Variants in TRIM4 observed in about 807,000 individuals in gnomAD.
The protein encoded by TRIM4 is tripartite motif containing 4.
A neutral mutation model predicts 33.7 loss-of-function variants in TRIM4; 29 were observed. That is an observed-to-expected ratio of 0.86 (90% CI 0.64 to 1.17). The LOEUF is 1.17. Ranked by LOEUF, TRIM4 falls within the 50% of genes most tolerant of loss-of-function variation. TRIM4 has a pLI of 0.00. For synonymous variants in TRIM4, 224 were observed against 233.0 expected (o/e 0.96, Z 0.35); for missense variants, 554 against 593.7 (o/e 0.93, Z 0.69).
At chr7:99,894,430 C>A (rs28360802) in intron 5 of TRIM4, among the ~76,000 whole-genome samples, 1 of 152,018 alleles carries the variant, frequency 6.6e-6, no homozygotes, top group Admixed American at 6.6e-5. Context: ...CTTTGGGAGG[C>A]CAAGGCAGTG....
intron 3 of TRIM4, 187 bp downstream of exon 3, chr7:99,908,395 A>G: frequency 1.8e-6 from 1 of 570,002 alleles, no homozygotes; most frequent in Non-Finnish European, 3.1e-6. Flanking sequence ...AGCTCAGCAT[A>G]CCTACATTTC....
intron 1 of TRIM4, among the ~76,000 whole-genome samples, chr7:99,918,485 A>G (rs1179861044): frequency 6.6e-6 from 1 of 151,970 alleles, no homozygotes; most frequent in Non-Finnish European, 1.5e-5. Flanking sequence ...GAACTGCTTG[A>G]ACCCCGGAGG....
At chr7:99,895,337 TTTA>T (rs1563083044) in intron 5 of TRIM4, among the ~76,000 whole-genome samples, 1 of 152,220 alleles carries the variant, frequency 6.6e-6, no homozygotes, top group Non-Finnish European at 1.5e-5. Flanking sequence ...AAGTCTATTA[TTTA>T]GATTCTTGAT....
chr7:99,898,001 C>G (rs937179861), intron 5 of TRIM4, among the ~76,000 whole-genome samples: 1 of 152,256 alleles, frequency 6.6e-6, no homozygotes. Context: ...CAGAACACAA[C>G]AGACTATTGG....
In TRIM4 at chr7:99,919,104, C is replaced by CCTCGCAGAAGAGCCGCAGCGG; in HGVS notation, c.277_297dup (p.Pro93_Glu99dup). ...ACCAGGCACACTGGCCGCTGGTCGT[C>CCTCGCAGAAGAGCCGCAGCGG]CTCGCAGAAGAGCCGCAGCGGCTCC... On this transcript the variant is annotated inframe_insertion, in exon 1 of 6. Transcript: ENST00000349062. 6.5e-7 allele frequency: 1 copy of CCTCGCAGAAGAGCCGCAGCGG among 1,532,172 alleles called. No individual in the cohort carries two copies. Among genetic ancestry groups the CCTCGCAGAAGAGCCGCAGCGG allele is most frequent in the Non-Finnish European group, 8.8e-7 (1 of 1,139,740 alleles). The allele number at this position is 1,532,172 out of a possible 1,614,324, so 94.9% of individuals were successfully genotyped here.
intron 1 of TRIM4, 60 bp from the exon 2 acceptor site, chr7:99,909,720 T>C: frequency 7.4e-7 from 1 of 1,348,436 alleles, no homozygotes; most frequent in South Asian, 1.3e-5. Flanking sequence ...CATCTTCTTT[T>C]TTCTTTTTGT....
intron 3 of TRIM4, among the ~76,000 whole-genome samples, chr7:99,907,995 G>A (rs1175245830): frequency 2.0e-4 from 31 of 152,102 alleles, no homozygotes; most frequent in Admixed American, 2.0e-3. Flanking sequence ...TACCTACAGA[G>A]GATATAAAGG....
Position 99,919,396 on chromosome 7 carries a change from T to G in TRIM4, c.6A>C (p.Glu2Asp). The G allele has an allele frequency of 6.4e-7, 1 of 1,552,050 alleles. No homozygotes were observed. Among genetic ancestry groups the G allele is most frequent in the Non-Finnish European group, 8.7e-7 (1 of 1,151,744 alleles). The change falls in exon 1 of 6, where the codon GAA becomes GAC. Residue 2 changes from glutamate (E) to aspartate (D), a missense_variant. Physicochemically the swap from Glu to Asp is conservative, Grantham distance 45. Coordinates refer to ENST00000349062, the MANE Select transcript of TRIM4 (RefSeq NM_033091.3). The part of the protein sequence containing the change: M[E>D]AEDIQEELTC... ...TCAACTCCTCCTGGATGTCCTCAGC[T>G]TCCATGCTGCTTCCCTGCCGCGGAG...
intron 3 of TRIM4, among the ~76,000 whole-genome samples, chr7:99,907,351 C>T (rs1317820565): frequency 6.6e-6 from 1 of 152,208 alleles, no homozygotes; most frequent in Non-Finnish European, 1.5e-5. Context: ...CTCAGGTGAT[C>T]CACCCACCTC....
rs552699902 is a variant in TRIM4, at chr7:99,903,377, G to A, written c.744-62C>T. ...TAGGGTAGCCAAGACCTCCACTCCC[G>A]GTCAAAGGTTCTTAGCCCAAAGTTC... On this transcript the variant is annotated intron_variant, in intron 4 of 5. Coordinates refer to ENST00000349062, the MANE Select transcript of TRIM4 (RefSeq NM_033091.3). The A allele has an allele frequency of 1.4e-4, 200 of 1,410,692 alleles. 1 individual carries two copies. The highest frequency in any genetic ancestry group is 1.9e-4 in the Non-Finnish European group (189 of 1,010,776). The allele number at this position is 1,410,692 out of a possible 1,614,324, so 87.4% of individuals were successfully genotyped here.
chr7:99,907,262 T>C (rs1819328088), intron 3 of TRIM4, among the ~76,000 whole-genome samples: 1 of 152,096 alleles, frequency 6.6e-6, no homozygotes, highest in African/African-American at 2.4e-5. Context: ...AGATTACAGG[T>C]ATGTGCCACC....
At chr7:99,908,041 A>T (rs1317716683) in intron 3 of TRIM4, among the ~76,000 whole-genome samples, 1 of 152,258 alleles carries the variant, frequency 6.6e-6, no homozygotes, top group Non-Finnish European at 1.5e-5. Flanking sequence ...TTTGATAACA[A>T]ACTGGCCTAA....
intron 5 of TRIM4, chr7:99,902,100 C>A: frequency 1.3e-6 from 1 of 765,246 alleles, no homozygotes; most frequent in Non-Finnish European, 2.4e-6. Context: ...TCCTTCACTG[C>A]CTGACGTCTG....
At chr7:99,915,482 C>T (rs954217401) in intron 1 of TRIM4, among the ~76,000 whole-genome samples, 2 of 152,108 alleles carry the variant, frequency 1.3e-5, no homozygotes, top group Non-Finnish European at 2.9e-5. Context: ...CTCACCATAA[C>T]GGGTATAGGA....
intron 5 of TRIM4, among the ~76,000 whole-genome samples, chr7:99,893,748 TC>T (rs1426420202): frequency 6.6e-6 from 1 of 152,150 alleles, no homozygotes; most frequent in East Asian, 1.9e-4. Context: ...CAGGTTCTTT[TC>T]CTCCCCTCCA....
intron 3 of TRIM4, 181 bp downstream of exon 3, chr7:99,908,401 A>C: frequency 3.4e-6 from 2 of 581,302 alleles, no homozygotes; most frequent in Non-Finnish European, 6.1e-6. Flanking sequence ...GCATACCTAC[A>C]TTTCACATTA....
rs764379499 is a variant in TRIM4 at position 99,919,095 on chromosome 7, G to A, written c.307C>T (p.Arg103Trp). Residue 103 changes from arginine (R) to tryptophan (W), a missense_variant, in exon 1 of 6, where the codon CGG (arginine) becomes TGG (tryptophan). Physicochemically the swap from Arg to Trp is moderately radical, Grantham distance 101. Coordinates refer to ENST00000349062, the MANE Select transcript of TRIM4 (RefSeq NM_033091.3). ...PLRLFCEDDQRPVCLVCRESQ... is the reference protein window; with the variant it reads ...PLRLFCEDDQWPVCLVCRESQ... ...TCCCTGCACACCAGGCACACTGGCC[G>A]CTGGTCGTCCTCGCAGAAGAGCCGC... is the stretch of plus-strand genomic sequence containing the variant. 7.8e-6 allele frequency: 12 copies of A among 1,537,990 alleles called. No homozygotes were observed. The highest frequency in any genetic ancestry group is 9.6e-6 in the Non-Finnish European group (11 of 1,142,944).
intron 1 of TRIM4, among the ~76,000 whole-genome samples, chr7:99,913,227 T>A (rs2571999): frequency 0.64 from 97,167 of 152,118 alleles, 32,716 homozygotes; most frequent in African/African-American, 0.85. Flanking sequence ...CTGGCCACAG[T>A]TGGAATCTAA....
In TRIM4 at chr7:99,890,658, G is replaced by A. The variant is rs539166716; in HGVS notation, c.*1505C>T. On this transcript the variant is annotated 3_prime_UTR_variant, in exon 6 of 6. Transcript: ENST00000349062. ...ATCACATGTTCTCACGTATAAGGGA[G>A]AGCTAAACATTGAGTACCCATGGAC... 1 of 152,174 alleles carries A rather than the reference G, an allele frequency of 6.6e-6. No individual in the cohort carries two copies. The highest frequency in any genetic ancestry group is 2.4e-5 in the African/African-American group (1 of 41,434). The allele number at this position is 152,174 out of a possible 1,614,324, so 9.4% of individuals were successfully genotyped here.
Sources: allele counts gnomAD v4.1 joint callset (sites outside exome capture counted in the v4.1 genomes callset), GRCh38; gene constraint gnomAD v4.1.1; transcripts MANE v1.5; gene names NCBI Gene and HGNC (gene_info 2026-07-23, HGNC 2026-07-21).